GML: variants seen among roughly 807,000 people sequenced by gnomAD.
GML encodes glycosylphosphatidylinositol anchored molecule like.
GML carries 5 observed loss-of-function variants against 8.2 expected under a neutral mutation model. The ratio of observed to expected loss-of-function variants is 0.61; its 90% CI spans 0.32 to 1.28. The LOEUF is 1.28. Among genes scored for constraint, GML ranks in the 50% most tolerant of loss-of-function variants. The probability of loss-of-function intolerance (pLI) is 0.06; values close to 1 mark genes in which losing one functional copy is unlikely to be tolerated. For missense variants in GML, 191 were observed against 198.3 expected, an observed-to-expected ratio of 0.96 and a Z score of 0.22; for synonymous variants, 72 against 69.0, an observed-to-expected ratio of 1.04 and a Z score of -0.22.
At position 142,843,742 on chromosome 8, in the gene GML, C is replaced by CA. The variant is rs2130226058; in HGVS notation, c.181+2518dup. On this transcript the variant is annotated intron_variant, in intron 3 of 3. Transcript: ENST00000220940. ...CAAGGAATGGTGCTCTTTAAAGTAT[C>CA]ACAAAATCAAGTACCACAAATCTAA... 2.0e-5 allele frequency among the ~76,000 whole-genome samples: 3 copies of CA among 152,246 alleles called. No individual in the cohort carries two copies. In the East Asian group the frequency reaches 5.8e-4, roughly 29 times the overall value.
At chr8:142,837,299 C>A (rs1156815434) in intron 1 of GML, among the ~76,000 whole-genome samples, 85 of 148,376 alleles carry the variant, frequency 5.7e-4, no homozygotes, top group East Asian at 3.8e-3. Flanking sequence ...GACTCTGTTT[C>A]AAAAAAAGAA....
intron 3 of GML, among the ~76,000 whole-genome samples, chr8:142,842,559 A>G (rs1241183310): frequency 6.6e-6 from 1 of 152,210 alleles, no homozygotes; most frequent in Non-Finnish European, 1.5e-5. Flanking sequence ...TTCGCAAGGT[A>G]TGGGTGAAGC....
chr8:142,846,516 G>A lies in GML; in HGVS notation c.303G>A (p.Trp101Ter). ...TCTTCAAAACTAATAGCTTCTACTG[G>A]GTTTGTTGTTGTAATAGCATGGTTT... ...GKIFKTNSFY[W>*]VCCCNSMVCN... is the part of the protein sequence containing the mutation. The change falls in exon 4 of 4, where the codon TGG (tryptophan) becomes TGA (stop). Residue 101 changes from tryptophan to a stop codon, truncating the protein, a stop_gained. Transcript: ENST00000220940. LOFTEE classifies it low-confidence loss of function (END_TRUNC). The A allele has an allele frequency of 6.2e-7, 1 of 1,614,016 alleles. No individual in the cohort carries two copies. Among genetic ancestry groups the A allele is most frequent in the South Asian group, 1.1e-5 (1 of 91,080 alleles).
At chr8:142,841,901 C>T (rs116249033) in intron 3 of GML, among the ~76,000 whole-genome samples, 39 of 152,266 alleles carry the variant, frequency 2.6e-4, no homozygotes, top group South Asian at 1.7e-3. Context: ...CTTTTGTCCC[C>T]GGTGTCTGTG....
At position 142,835,818 on chromosome 8, in the gene GML, G is replaced by A. The variant is rs184866280; in HGVS notation, c.-23+950G>A. ...CTTGTCACCTCTTGCAATGTTTTTT[G>A]CCTGGAAGCCTGCACTCGCCGACGC... On this transcript the variant is annotated intron_variant, in intron 1 of 3. Coordinates refer to ENST00000220940, the MANE Select transcript of GML (RefSeq NM_002066.3). Among the ~76,000 whole-genome samples, 120 of 152,166 alleles carry A rather than the reference G, an allele frequency of 7.9e-4. 1 individual carries two copies. Among genetic ancestry groups the A allele is most frequent in the African/African-American group, 2.6e-3 (110 of 41,556 alleles).
rs1275460001 is a variant in GML at position 142,846,459 on chromosome 8, A to G, written c.246A>G (p.Ala82=). Residue 82 remains alanine, a synonymous_variant, in exon 4 of 4, where the codon GCA becomes GCG. Coordinates refer to ENST00000220940, the MANE Select transcript of GML (RefSeq NM_002066.3). ...NCTNNCTFVY[A]AEQPPEAPGK... is the part of the protein sequence containing the mutation. The stretch of plus-strand genomic sequence containing the variant: ...CAAACAACTGCACATTTGTATATGC[A>G]GCTGAACAGCCTCCTGAAGCCCCAG... The G allele has an allele frequency of 6.2e-7, 1 of 1,612,812 alleles. No homozygotes were observed. The highest frequency in any genetic ancestry group is 8.5e-7 in the Non-Finnish European group (1 of 1,178,738).
At chr8:142,841,798 C>G (rs1320013349) in intron 3 of GML, among the ~76,000 whole-genome samples, 2 of 152,176 alleles carry the variant, frequency 1.3e-5, no homozygotes, top group Non-Finnish European at 2.9e-5. Flanking sequence ...GCCCAGTGAC[C>G]AATGGAGCAA....
At chr8:142,839,031 A>C (rs916231474) in intron 1 of GML, among the ~76,000 whole-genome samples, 5 of 152,188 alleles carry the variant, frequency 3.3e-5, no homozygotes, top group African/African-American at 1.2e-4. Flanking sequence ...CTGTGCCCTC[A>C]TGGAGGAAGA....
chr8:142,835,739 T>G (rs1347665405), intron 1 of GML, among the ~76,000 whole-genome samples: 2 of 152,198 alleles, frequency 1.3e-5, no homozygotes, highest in Non-Finnish European at 2.9e-5. Flanking sequence ...GCCACCATAG[T>G]CAGAAAATGG....
At chr8:142,841,969 C>T (rs1816440701) in intron 3 of GML, among the ~76,000 whole-genome samples, 1 of 152,114 alleles carries the variant, frequency 6.6e-6, no homozygotes, top group Admixed American at 6.6e-5. Flanking sequence ...AAAAATAATC[C>T]CCTGATTACC....
At chr8:142,845,083 C>T (rs1816487238) in intron 3 of GML, among the ~76,000 whole-genome samples, 1 of 152,130 alleles carries the variant, frequency 6.6e-6, no homozygotes. Flanking sequence ...TAATGCTATG[C>T]AATTTTGAGA....
At chr8:142,837,157 A>G (rs112657983) in intron 1 of GML, among the ~76,000 whole-genome samples, 22,522 of 151,608 alleles carry the variant, frequency 0.15, 2,086 homozygotes, top group East Asian at 0.48. Context: ...AGCTGGGCGT[A>G]GTGGCGTGCG....
chr8:142,836,127 T>C (rs772906205), intron 1 of GML, among the ~76,000 whole-genome samples: 4 of 152,236 alleles, frequency 2.6e-5, no homozygotes, highest in Non-Finnish European at 5.9e-5. Flanking sequence ...GCAAATTATC[T>C]AGGAGGAGGT....
chr8:142,839,584 G>A (rs1175206334), intron 1 of GML, among the ~76,000 whole-genome samples: 1 of 152,248 alleles, frequency 6.6e-6, no homozygotes, highest in East Asian at 1.9e-4. Context: ...GGCCCAGGGA[G>A]TTGCCCCACT....
intron 3 of GML, among the ~76,000 whole-genome samples, chr8:142,841,992 T>G (rs959312279): frequency 6.6e-6 from 1 of 152,112 alleles, no homozygotes; most frequent in Non-Finnish European, 1.5e-5. Context: ...CTCGGTGTGG[T>G]TTGGCTATGT....
chr8:142,838,382 C>G (rs879220205), intron 1 of GML, among the ~76,000 whole-genome samples: 1 of 152,124 alleles, frequency 6.6e-6, no homozygotes, highest in African/African-American at 2.4e-5. Context: ...ATCTGTGGCA[C>G]ATTTGTATTT....
chr8:142,845,828 A>C (rs1816496873), intron 3 of GML, among the ~76,000 whole-genome samples: 1 of 152,186 alleles, frequency 6.6e-6, no homozygotes, highest in Non-Finnish European at 1.5e-5. Context: ...AGGTGCATCA[A>C]GTCTGTACTG....
At chr8:142,845,148 T>C (rs1465214181) in intron 3 of GML, among the ~76,000 whole-genome samples, 1 of 152,072 alleles carries the variant, frequency 6.6e-6, no homozygotes, top group African/African-American at 2.4e-5. Flanking sequence ...AAACACAGAT[T>C]AGAGCAAAAG....
chr8:142,837,122 C>T (rs1402578558), intron 1 of GML, among the ~76,000 whole-genome samples: 4 of 151,688 alleles, frequency 2.6e-5, no homozygotes, highest in African/African-American at 4.9e-5. Flanking sequence ...AGTGAAACCC[C>T]GTCTCTACTA....
Sources: allele counts gnomAD v4.1 joint callset (sites outside exome capture counted in the v4.1 genomes callset), GRCh38; gene constraint gnomAD v4.1.1; transcripts MANE v1.5; gene names NCBI Gene and HGNC (gene_info 2026-07-23, HGNC 2026-07-21).